PPP1R12C: variants seen among roughly 807,000 people sequenced by gnomAD.
PPP1R12C encodes the protein protein phosphatase 1 regulatory subunit 12C.
Under a neutral mutation model 95.6 loss-of-function variants are expected in PPP1R12C, and 48 were observed. The observed-to-expected ratio is 0.50, with a 90% confidence interval of 0.40 to 0.64. The LOEUF (loss-of-function observed/expected upper bound fraction) is 0.64, where lower values mean the gene tolerates loss of function less well. Among genes scored for constraint, PPP1R12C ranks in the 30% least tolerant of loss-of-function variants. The probability of loss-of-function intolerance (pLI) is 0.00; values close to 1 mark genes in which losing one functional copy is unlikely to be tolerated. For synonymous variants in PPP1R12C, 480 were observed against 460.8 expected, an observed-to-expected ratio of 1.04 and a Z score of -0.53; for missense variants, 1,057 against 1,083.3, an observed-to-expected ratio of 0.98 and a Z score of 0.34.
chr19:55,103,687 C>T, intron 3 of PPP1R12C, 119 bp from the exon 4 acceptor site: 1 of 985,632 alleles, frequency 1.0e-6, no homozygotes, highest in Non-Finnish European at 1.4e-6. Flanking sequence ...TCCCCCTGCT[C>T]CCCTCTGAGA....
intron 1 of PPP1R12C, chr19:55,113,596 TG>T (rs1324101023): frequency 7.7e-7 from 1 of 1,293,724 alleles, no homozygotes; most frequent in Non-Finnish European, 9.8e-7. Context: ...CTCCGGGACC[TG>T]AACTGGAGCT....
intron 3 of PPP1R12C, among the ~76,000 whole-genome samples, chr19:55,108,869 G>A (rs981277865): frequency 9.9e-5 from 15 of 152,156 alleles, no homozygotes; most frequent in African/African-American, 3.6e-4. Flanking sequence ...ACCACCCCTG[G>A]CTAATTTTGT....
chr19:55,091,345 G>A lies in PPP1R12C; in HGVS notation c.*127C>T, dbSNP rs573194810. 1.2e-5 allele frequency: 12 copies of A among 1,006,632 alleles called. No individual in the cohort carries two copies. In the East Asian group the frequency reaches 2.9e-4, roughly 24 times the overall value. 62.4% of individuals were successfully genotyped at this position (1,006,632 alleles called of 1,614,324 possible). A position where few individuals can be genotyped will look rare whatever the true frequency, so the allele number is the denominator to read the frequency against. On this transcript the variant is annotated 3_prime_UTR_variant, in exon 22 of 22. Coordinates refer to ENST00000263433, the MANE Select transcript of PPP1R12C (RefSeq NM_017607.4). ...GACTCTGCTCCCCTCCCAGTCCGGA[G>A]GTCCCAGGGGGGCTATGGCTTCTCT...
Position 55,117,377 on chromosome 19 carries a change from A to G in PPP1R12C, c.167T>C (p.Leu56Pro). Residue 56 changes from leucine to proline, a missense_variant, in exon 1 of 22, where the codon CTG becomes CCG. Leu to Pro is a moderately conservative substitution (Grantham distance 98). Coordinates refer to ENST00000263433, the MANE Select transcript of PPP1R12C (RefSeq NM_017607.4). The part of the protein sequence containing the change: ...TVRFERAAEF[L>P]AACAGGDLDE... ...CAGGTCGCCGCCCGCACAGGCCGCC[A>G]GGAACTCGGCGGCGCGCTCGAAGCG... 1 of 1,093,650 alleles carries G rather than the reference A, an allele frequency of 9.1e-7. No individual in the cohort carries two copies. Among genetic ancestry groups the G allele is most frequent in the Non-Finnish European group, 1.1e-6 (1 of 902,086 alleles). 67.7% of individuals were successfully genotyped at this position (1,093,650 alleles called of 1,614,324 possible).
chr19:55,094,756 C>T lies in PPP1R12C; in HGVS notation c.1497G>A (p.Ser499=), dbSNP rs770041262. The T allele has an allele frequency of 8.7e-6, 14 of 1,607,036 alleles. No individual in the cohort carries two copies. Among genetic ancestry groups the T allele is most frequent in the South Asian group, 1.1e-5 (1 of 89,402 alleles). ...CAGGCTCCGGAATCCTGGAGGGAGG[C>T]GAGGAGTTCTCCAAGCAAGGAGGAG... is the stretch of plus-strand genomic sequence containing the variant. ...TKPPPCLENS[S]PPSRIPEPES... The change falls in exon 12 of 22, where the codon TCG becomes TCA. Residue 499 remains serine (S), a synonymous_variant. Coordinates refer to ENST00000263433, the MANE Select transcript of PPP1R12C (RefSeq NM_017607.4).
chr19:55,114,426 G>C (rs1169046975), intron 1 of PPP1R12C: 1 of 152,486 alleles, frequency 6.6e-6, no homozygotes, highest in Non-Finnish European at 1.5e-5. Flanking sequence ...CTTGGGAACA[G>C]CCACAGCAGG....
At position 55,094,856 on chromosome 19, in the gene PPP1R12C, G is replaced by A. The variant is rs568038065; in HGVS notation, c.1455-58C>T. The A allele has an allele frequency of 9.1e-6, 14 of 1,532,482 alleles. No homozygotes were observed. The East Asian group carries it at 2.4e-4, about 26-fold the overall frequency. 94.9% of individuals were successfully genotyped at this position (1,532,482 alleles called of 1,614,324 possible). On this transcript the variant is annotated intron_variant, in intron 11 of 21. Coordinates refer to ENST00000263433, the MANE Select transcript of PPP1R12C (RefSeq NM_017607.4). ...CCAGGTGCATTGTGTGCCGGCACTGGAGATGCAGCCGTGAGTGAAAGAAAC... is the reference window on the plus strand; with the variant it reads ...CCAGGTGCATTGTGTGCCGGCACTGAAGATGCAGCCGTGAGTGAAAGAAAC...
At chr19:55,099,452 T>C (rs1409498364) in intron 4 of PPP1R12C, among the ~76,000 whole-genome samples, 1 of 152,162 alleles carries the variant, frequency 6.6e-6, no homozygotes, top group Non-Finnish European at 1.5e-5. Context: ...CCAGCCCCCA[T>C]GCCTGTCAGA....
chr19:55,107,037 G>A (rs2085045864), intron 3 of PPP1R12C, among the ~76,000 whole-genome samples: 1 of 152,054 alleles, frequency 6.6e-6, no homozygotes, highest in Admixed American at 6.6e-5. Context: ...GAGATGCTCT[G>A]GACTTCACTT....
rs529514990 is a variant in PPP1R12C at position 55,095,316 on chromosome 19, G to A, written c.1429C>T (p.Pro477Ser). 6.4e-5 allele frequency: 101 copies of A among 1,587,066 alleles called. 1 individual carries two copies. In the South Asian group the frequency reaches 1.1e-3, roughly 17 times the overall value. The change falls in exon 11 of 22, where the codon CCG (proline) becomes TCG (serine). Residue 477 changes from proline (P) to serine (S), a missense_variant. This residue lies in a region of PPP1R12C where 356 missense variants were observed against 330.5 expected (regional missense o/e 1.08). Coordinates refer to ENST00000263433, the MANE Select transcript of PPP1R12C (RefSeq NM_017607.4). ...AGGACAGAGGGCTCCGGCAGCTTCG[G>A]GGAGGGGGTCGGGGTAATTCTGGCA... is the stretch of plus-strand genomic sequence containing the variant. ...RLARITPTPS[P>S]KLPEPSVLSE...
chr19:55,115,048 C>T (rs1398631594), intron 1 of PPP1R12C: 2 of 152,140 alleles, frequency 1.3e-5, no homozygotes, highest in African/African-American at 4.8e-5. Context: ...AGGACTCAAA[C>T]CCAGAAGCCC....
At chr19:55,100,037 C>A (rs2084963929) in intron 4 of PPP1R12C, among the ~76,000 whole-genome samples, 1 of 152,188 alleles carries the variant, frequency 6.6e-6, no homozygotes, top group South Asian at 2.1e-4. Context: ...CGGAGCTCAC[C>A]CTGCCCCAGC....
In PPP1R12C at chr19:55,093,010, C is replaced by A. The variant is rs750426254; in HGVS notation, c.1825+6G>T. The A allele has an allele frequency of 6.4e-7, 1 of 1,574,784 alleles. No homozygotes were observed. Among genetic ancestry groups the A allele is most frequent in the Non-Finnish European group, 8.6e-7 (1 of 1,158,804 alleles). ...TGGGAATGACCTCCCCGAGAGCAGA[C>A]CTCACCTCTCTGGGCAGGGCTGTCA... On this transcript the variant is annotated splice_donor_region_variant and intron_variant, in intron 15 of 21. Coordinates refer to ENST00000263433, the MANE Select transcript of PPP1R12C (RefSeq NM_017607.4).
chr19:55,095,556 T>C lies in PPP1R12C; in HGVS notation c.1275A>G (p.Thr425=), dbSNP rs1366501682. Residue 425 remains threonine (T), a synonymous_variant, in exon 10 of 22, where the codon ACA becomes ACG. Transcript: ENST00000263433. ...PFSRRFGLLK[T]GSSGALGPPE... is the part of the protein sequence containing the mutation. Reference sequence around the variant, plus strand: ...GGGGACCCAGGGCACCAGAACTCCCTGTCTTCAGGAGGCCAAAGCGCCTGG... The same window carrying C: ...GGGGACCCAGGGCACCAGAACTCCCCGTCTTCAGGAGGCCAAAGCGCCTGG... The C allele has an allele frequency of 4.4e-6, 7 of 1,590,680 alleles. No individual in the cohort carries two copies. The Admixed American group carries it at 1.1e-4, about 25-fold the overall frequency.
At chr19:55,116,218 C>A (rs576655535) in intron 1 of PPP1R12C, among the ~76,000 whole-genome samples, 1 of 152,036 alleles carries the variant, frequency 6.6e-6, no homozygotes, top group African/African-American at 2.4e-5. Context: ...AGAAGGCCAT[C>A]CTAAGAAACG....
intron 1 of PPP1R12C, among the ~76,000 whole-genome samples, chr19:55,116,649 A>G (rs2085156985): frequency 6.6e-6 from 1 of 152,210 alleles, no homozygotes; most frequent in Non-Finnish European, 1.5e-5. Context: ...CGGACTCAGG[A>G]GAGAGACGGC....
rs1192380663 is a variant in PPP1R12C, at chr19:55,092,542, G to T, written c.1955C>A (p.Thr652Asn). ...EPADRSQESSTLEGGPSARRQ... is the reference protein window; with the variant it reads ...EPADRSQESSNLEGGPSARRQ... ...GCGGGCCGAGGGGCCGCCCTCCAGG[G>T]TGCTGGGGCAGGGGAGGAGCGCGCG... Residue 652 changes from threonine to asparagine, a missense_variant and splice_region_variant, in exon 18 of 22, where the codon ACC (threonine) becomes AAC (asparagine). Around this residue, in one of 5 missense-constraint regions of PPP1R12C, gnomAD observed 347 missense variants for 307.9 expected, o/e 1.13. Coordinates refer to ENST00000263433, the MANE Select transcript of PPP1R12C (RefSeq NM_017607.4). 1 of 1,600,858 alleles carries T rather than the reference G, an allele frequency of 6.2e-7. No individual in the cohort carries two copies. The highest frequency in any genetic ancestry group is 1.7e-5 in the Admixed American group (1 of 58,102).
In PPP1R12C at chr19:55,092,449, A is replaced by C; in HGVS notation, c.2048T>G (p.Phe683Cys). The change falls in exon 18 of 22, where the codon TTT (phenylalanine) becomes TGT (cysteine). Residue 683 changes from phenylalanine (F) to cysteine (C), a missense_variant. Phe to Cys is a radical substitution (Grantham distance 205). Around this residue, in one of 5 missense-constraint regions of PPP1R12C, gnomAD observed 347 missense variants for 307.9 expected, o/e 1.13. Coordinates refer to ENST00000263433, the MANE Select transcript of PPP1R12C (RefSeq NM_017607.4). ...EPESEEPDGG[F>C]RTLYAELRRE... ...GGAGGGGTGGGATCGCACCGTCCTAAAGCCTCCGTCTGGCTCTTCCGATTC... is the reference window on the plus strand; with the variant it reads ...GGAGGGGTGGGATCGCACCGTCCTACAGCCTCCGTCTGGCTCTTCCGATTC... 1 of 1,608,126 alleles carries C rather than the reference A, an allele frequency of 6.2e-7. No homozygotes were observed. The highest frequency in any genetic ancestry group is 1.1e-5 in the South Asian group (1 of 90,232).
Position 55,091,711 on chromosome 19 carries a change from C to T in PPP1R12C, c.2212-11G>A, listed in dbSNP as rs886373567. ...CAGGGCCCTGCGCTCCTGGAATGAA[C>T]AGGGAAAGTGCAGAAACTGAGTGAG... On this transcript the variant is annotated splice_polypyrimidine_tract_variant and intron_variant, in intron 20 of 21. Transcript: ENST00000263433. 1 of 1,613,314 alleles carries T rather than the reference C, an allele frequency of 6.2e-7. No homozygotes were observed. Among genetic ancestry groups the T allele is most frequent in the Non-Finnish European group, 8.5e-7 (1 of 1,179,868 alleles).
Sources: allele counts gnomAD v4.1 joint callset (sites outside exome capture counted in the v4.1 genomes callset), GRCh38; gene constraint gnomAD v4.1.1; regional missense constraint gnomAD v4.1.1; transcripts MANE v1.5; gene names NCBI Gene and HGNC (gene_info 2026-07-23, HGNC 2026-07-21).